CYGB: variants seen among roughly 807,000 people sequenced by gnomAD.
CYGB encodes cytoglobin.
Under a neutral mutation model 20.7 loss-of-function variants are expected in CYGB, and 13 were observed. That is an observed-to-expected ratio of 0.63 (90% CI 0.41 to 1.00). The LOEUF is 1.00. CYGB is among the 50% of genes least tolerant of loss of function. The probability of loss-of-function intolerance (pLI) is 0.00; values close to 1 mark genes in which losing one functional copy is unlikely to be tolerated. For missense variants in CYGB, 218 were observed against 257.2 expected, an observed-to-expected ratio of 0.85 and a Z score of 1.04; for synonymous variants, 93 against 107.4, an observed-to-expected ratio of 0.87 and a Z score of 0.83.
rs1345291383 is a variant in CYGB at position 76,533,604 on chromosome 17, T to G, written c.144-1913A>C. Reference sequence around the variant, plus strand: ...CAGGTGTGGTGGCACACACCTTTGATTCCAGCTACTCAGGGGCCTAAAGTG... The same window carrying G: ...CAGGTGTGGTGGCACACACCTTTGAGTCCAGCTACTCAGGGGCCTAAAGTG... On this transcript the variant is annotated intron_variant, in intron 1 of 3. Coordinates refer to ENST00000293230, the MANE Select transcript of CYGB (RefSeq NM_134268.5). The surrounding 1 kb of genome is among the most constrained non-coding windows in gnomAD (Gnocchi z 4.5). 6.6e-6 allele frequency among the ~76,000 whole-genome samples: 1 copy of G among 151,912 alleles called. No individual in the cohort carries two copies. Among genetic ancestry groups the G allele is most frequent in the East Asian group, 1.9e-4 (1 of 5,184 alleles).
intron 1 of CYGB, chr17:76,544,932 G>A (rs1162777321): frequency 2.2e-6 from 1 of 456,764 alleles, no homozygotes; most frequent in South Asian, 1.5e-5. Context: ...GGAGGTGGTG[G>A]CTGCTCCAGG....
In CYGB at chr17:76,546,828, T is replaced by G. The variant is rs954410331; in HGVS notation, c.-53+4034A>C. 3 of 152,228 alleles carry G rather than the reference T, an allele frequency of 2.0e-5. No individual in the cohort carries two copies. The highest frequency in any genetic ancestry group is 4.4e-5 in the Non-Finnish European group (3 of 68,042). 9.4% of individuals were successfully genotyped at this position (152,228 alleles called of 1,614,324 possible). ...TGTATTTTACGCACTGTTTCATTTA[T>G]GCGGCAGGAACTGTTATCATTTATC... On this transcript the variant is annotated intron_variant, in intron 1 of 3. Transcript: ENST00000589145. This position sits in a 1 kb window ranked among gnomAD's most constrained non-coding sequence, Gnocchi z 4.5.
chr17:76,544,768 C>T (rs879036068), intron 1 of CYGB: 1 of 456,690 alleles, frequency 2.2e-6, no homozygotes, highest in South Asian at 1.5e-5. Context: ...TTGCCATGTT[C>T]CTGTCACCTC....
At chr17:76,532,122 T>C (rs2074851646) in intron 1 of CYGB, 1 of 165,892 alleles carries the variant, frequency 6.0e-6, no homozygotes, top group Admixed American at 5.5e-5. Context: ...CATGAAGTCA[T>C]GCTTATGCTC....
intron 1 of CYGB, among the ~76,000 whole-genome samples, chr17:76,532,925 A>T (rs1203053847): frequency 6.6e-6 from 1 of 152,214 alleles, no homozygotes; most frequent in Admixed American, 6.5e-5. Flanking sequence ...AAATAACTTA[A>T]GTGAATCCCC....
At position 76,529,124 on chromosome 17, in the gene CYGB, C is replaced by G. The variant is rs562682385; in HGVS notation, c.540-513G>C. On this transcript the variant is annotated intron_variant, in intron 3 of 3. Coordinates refer to ENST00000293230, the MANE Select transcript of CYGB (RefSeq NM_134268.5). The stretch of plus-strand genomic sequence containing the variant: ...TCAATAAACAGTGGCGCCTGGCCCA[C>G]CCCTGCTTCCCTGATAAGAGAAGTT... 39 of 984,790 alleles carry G rather than the reference C, an allele frequency of 4.0e-5. No homozygotes were observed. The East Asian group carries it at 4.1e-3, about 104-fold the overall frequency. The allele number at this position is 984,790 out of a possible 1,614,324, so 61.0% of individuals were successfully genotyped here.
chr17:76,541,013 G>A (rs62086577), upstream of CYGB, among the ~76,000 whole-genome samples: 25,627 of 152,174 alleles, frequency 0.17, 2,519 homozygotes, highest in East Asian at 0.35. Context: ...TAGAAGGCGC[G>A]GGAGGAGCAT....
At position 76,531,552 on chromosome 17, in the gene CYGB, T is replaced by G. The variant is rs1229537284; in HGVS notation, c.283A>C (p.Asn95His). The change falls in exon 2 of 4, where the codon AAC (asparagine) becomes CAC (histidine). Residue 95 changes from asparagine to histidine, a missense_variant. Physicochemically the swap from Asn to His is moderately conservative, Grantham distance 68 (BLOSUM62 1). Around this residue, in one of 2 missense-constraint regions of CYGB, gnomAD observed 152 missense variants for 149.9 expected, o/e 1.01. Transcript: ENST00000293230. The surrounding 1 kb of genome is among the most constrained non-coding windows in gnomAD (Gnocchi z 7.4). ...VMGALNTVVE[N>H]LHDPDKVSSV... ...GACACCTTGTCGGGGTCATGCAGGT[T>G]CTCCACGACAGTGTTGAGGGCCCCC... is the stretch of plus-strand genomic sequence containing the variant. The G allele has an allele frequency of 4.3e-6, 7 of 1,614,124 alleles. No homozygotes were observed. Among genetic ancestry groups the G allele is most frequent in the Non-Finnish European group, 5.9e-6 (7 of 1,179,972 alleles).
At chr17:76,545,240 G>A (rs1218653827) in intron 1 of CYGB, 1 of 456,772 alleles carries the variant, frequency 2.2e-6, no homozygotes, top group Admixed American at 2.3e-5. Flanking sequence ...TCTCAGCCTA[G>A]AGCTCCCCAC....
upstream of CYGB, chr17:76,542,564 C>T (rs2075004923): frequency 2.5e-6 from 4 of 1,614,180 alleles, no homozygotes; most frequent in African/African-American, 5.3e-5. Flanking sequence ...GAGAAAGAAC[C>T]TCTGAAGTAA....
At chr17:76,549,939 TTTTGTTTTTTTG>T (rs2075090595) in intron 1 of CYGB, 1 of 152,092 alleles carries the variant, frequency 6.6e-6, no homozygotes, top group South Asian at 2.1e-4. Context: ...GTAAGAAGGT[TTTTGTTTTTTTG>T]TTTGTTTTTT....
At chr17:76,534,905 C>T (rs927628685) in intron 1 of CYGB, among the ~76,000 whole-genome samples, 1 of 152,248 alleles carries the variant, frequency 6.6e-6, no homozygotes. Context: ...CCTGGCTCTG[C>T]GGTGTTTCCA....
chr17:76,532,022 G>A (rs1472034489), intron 1 of CYGB: 3 of 229,342 alleles, frequency 1.3e-5, no homozygotes, highest in African/African-American at 6.7e-5. Flanking sequence ...GAGAGGGTAA[G>A]AACTCAGGTT....
Position 76,537,571 on chromosome 17 carries a change from C to T in CYGB, c.-29G>A. Reference sequence around the variant, plus strand: ...CAGCTCCAAGCCCAGCCCGGCTTTGCTCGGCGGCGGCGGTGGCGGGGCGCG... The same window carrying T: ...CAGCTCCAAGCCCAGCCCGGCTTTGTTCGGCGGCGGCGGTGGCGGGGCGCG... On this transcript the variant is annotated 5_prime_UTR_variant, in exon 1 of 4. Transcript: ENST00000293230. 1 of 1,297,654 alleles carries T rather than the reference C, an allele frequency of 7.7e-7. No homozygotes were observed. Among genetic ancestry groups the T allele is most frequent in the Non-Finnish European group, 9.9e-7 (1 of 1,011,826 alleles). 80.4% of individuals were successfully genotyped at this position (1,297,654 alleles called of 1,614,324 possible).
At chr17:76,537,737 A>T, upstream of CYGB, 1 of 185,586 alleles carries the variant, frequency 5.4e-6, no homozygotes, top group Non-Finnish European at 9.4e-6. Flanking sequence ...TGCAGGGTAT[A>T]TGTGCGGGGG....
At position 76,531,781 on chromosome 17, in the gene CYGB, G is replaced by A; in HGVS notation, c.144-90C>T. 1 of 1,083,596 alleles carries A rather than the reference G, an allele frequency of 9.2e-7. No individual in the cohort carries two copies. Among genetic ancestry groups the A allele is most frequent in the Non-Finnish European group, 1.3e-6 (1 of 745,278 alleles). The allele number at this position is 1,083,596 out of a possible 1,614,324, so 67.1% of individuals were successfully genotyped here. A position where few individuals can be genotyped will look rare whatever the true frequency, so the allele number is the denominator to read the frequency against. Reference sequence around the variant, plus strand: ...CAGGATAGTGGGGGCTGAAGAAGTGGACCGCAGTGCTCCCCACCCCCGCAC... The same window carrying A: ...CAGGATAGTGGGGGCTGAAGAAGTGAACCGCAGTGCTCCCCACCCCCGCAC... On this transcript the variant is annotated intron_variant, in intron 1 of 3. Transcript: ENST00000293230. The surrounding 1 kb of genome is among the most constrained non-coding windows in gnomAD (Gnocchi z 7.4).
chr17:76,540,831 CG>C (rs1340108646), upstream of CYGB, among the ~76,000 whole-genome samples: 1 of 152,210 alleles, frequency 6.6e-6, no homozygotes, highest in Non-Finnish European at 1.5e-5. This position sits in a 1 kb window ranked among gnomAD's most constrained non-coding sequence, Gnocchi z 5.0. Context: ...GGCGGTCCCC[CG>C]GGGCACCTTC....
At position 76,527,508 on chromosome 17, in the gene CYGB, G is replaced by A. The variant is rs889074866; in HGVS notation, c.*1070C>T. ...AGGGGACACAGCAGGAGCCACAGCAGCAAAACATCCTTGAAGACGACACAC... is the reference window on the plus strand; with the variant it reads ...AGGGGACACAGCAGGAGCCACAGCAACAAAACATCCTTGAAGACGACACAC... On this transcript the variant is annotated 3_prime_UTR_variant, in exon 4 of 4. Transcript: ENST00000293230. The A allele has an allele frequency of 2.1e-5, 9 of 424,722 alleles. No individual in the cohort carries two copies. Among genetic ancestry groups the A allele is most frequent in the African/African-American group, 8.1e-5 (4 of 49,376 alleles). The allele number at this position is 424,722 out of a possible 1,614,324, so 26.3% of individuals were successfully genotyped here. A position where few individuals can be genotyped will look rare whatever the true frequency, so the allele number is the denominator to read the frequency against.
intron 3 of CYGB, chr17:76,529,006 G>C: frequency 1.0e-6 from 1 of 996,826 alleles, no homozygotes; most frequent in Non-Finnish European, 1.2e-6. Context: ...CTGTATTCTC[G>C]TATTCTCGGT....
Sources: allele counts gnomAD v4.1 joint callset (sites outside exome capture counted in the v4.1 genomes callset), GRCh38; gene constraint gnomAD v4.1.1; regional missense constraint gnomAD v4.1.1; non-coding constraint Gnocchi (gnomAD v3.1); transcripts MANE v1.5; gene names NCBI Gene and HGNC (gene_info 2026-07-23, HGNC 2026-07-21).